The following NAALADL2 variants were observed in gnomAD, a reference collection of about 807,000 sequenced individuals.
NAALADL2 encodes the protein inactive N-acetylated-alpha-linked acidic dipeptidase-like protein 2.
A neutral mutation model predicts 87.2 loss-of-function variants in NAALADL2; 76 were observed. That is an observed-to-expected ratio of 0.87 (90% CI 0.72 to 1.05). The LOEUF (loss-of-function observed/expected upper bound fraction) is 1.05, where lower values mean the gene tolerates loss of function less well. NAALADL2 is among the 50% of genes least tolerant of loss of function. NAALADL2 has a pLI of 0.00. For missense variants in NAALADL2, 1,089 were observed against 945.8 expected (o/e 1.15, Z -1.99); for synonymous variants, 354 against 331.0 (o/e 1.07, Z -0.75).
At chr3:175,475,989 C>T (rs1446995243) in intron 9 of NAALADL2, among the ~76,000 whole-genome samples, 1 of 152,156 alleles carries the variant, frequency 6.6e-6, no homozygotes, top group Non-Finnish European at 1.5e-5. Context: ...TCTCAAAGCG[C>T]TGGGATTACG....
At chr3:175,139,919 T>G (rs540647723) in intron 2 of NAALADL2, among the ~76,000 whole-genome samples, 16 of 152,246 alleles carry the variant, frequency 1.1e-4, no homozygotes, top group African/African-American at 3.9e-4. Context: ...AATATTTATA[T>G]AGCGCTAATT....
At chr3:175,756,261 A>G (rs1410554015) in intron 13 of NAALADL2, among the ~76,000 whole-genome samples, 1 of 152,172 alleles carries the variant, frequency 6.6e-6, no homozygotes, top group Non-Finnish European at 1.5e-5. Flanking sequence ...GGAAAACAGT[A>G]TGAGATTCCT....
Position 175,485,668 on chromosome 3 carries a change from A to G in NAALADL2, c.1653+13910A>G, listed in dbSNP as rs116999078. On this transcript the variant is annotated intron_variant, in intron 9 of 13. Coordinates refer to ENST00000454872, the MANE Select transcript of NAALADL2 (RefSeq NM_207015.3). ...GAAGACTCAGCAAGTTAGCTTTTCCACCTTCATCTTCCTGCTTTTTCTAGC... is the reference window on the plus strand; with the variant it reads ...GAAGACTCAGCAAGTTAGCTTTTCCGCCTTCATCTTCCTGCTTTTTCTAGC... Among the ~76,000 whole-genome samples the G allele has an allele frequency of 8.5e-5, 13 of 152,206 alleles. No homozygotes were observed. The East Asian group carries it at 2.5e-3, about 29-fold the overall frequency.
chr3:175,081,372 G>A (rs554387923), intron 1 of NAALADL2, among the ~76,000 whole-genome samples: 103 of 152,214 alleles, frequency 6.8e-4, no homozygotes, highest in African/African-American at 2.4e-3. Flanking sequence ...ATGTTCACTG[G>A]TATCTATCTG....
rs1237849738 is a variant in NAALADL2, at chr3:175,784,839, T to G, written c.2190-18166T>G. Among the ~76,000 whole-genome samples, 9 of 74,158 alleles carry G rather than the reference T, an allele frequency of 1.2e-4. No individual in the cohort carries two copies. In the South Asian group the frequency reaches 4.8e-3, roughly 39 times the overall value. 48.7% of individuals were successfully genotyped at this position (74,158 alleles called of 152,430 possible). On this transcript the variant is annotated intron_variant, in intron 13 of 13. Transcript: ENST00000454872. ...CTTTCCTGCTTTCTCTTGTGGGCAT[T>G]TAGTGCTATAAATTTCCCTCTACAC...
chr3:175,011,819 A>G (rs977045081), intron 1 of NAALADL2, among the ~76,000 whole-genome samples: 1 of 152,158 alleles, frequency 6.6e-6, no homozygotes, highest in African/African-American at 2.4e-5. Flanking sequence ...CCAGCAGACT[A>G]TCTTGATATC....
chr3:175,495,850 TA>T (rs766981167), intron 9 of NAALADL2, among the ~76,000 whole-genome samples: 36 of 152,244 alleles, frequency 2.4e-4, no homozygotes, highest in Middle Eastern at 3.4e-3. Flanking sequence ...CATTTTTTTT[TA>T]GAAAACGGTT....
At chr3:175,278,881 G>C (rs1427562902) in intron 4 of NAALADL2, among the ~76,000 whole-genome samples, 1 of 152,102 alleles carries the variant, frequency 6.6e-6, no homozygotes, top group Non-Finnish European at 1.5e-5. Flanking sequence ...TATGTATCCA[G>C]GGAAACTTAT....
chr3:174,932,921 C>T (rs1737138323), intron 1 of NAALADL2, among the ~76,000 whole-genome samples: 1 of 152,038 alleles, frequency 6.6e-6, no homozygotes, highest in Middle Eastern at 3.2e-3. Flanking sequence ...AGTTGGAGAC[C>T]AGCCTGACCA....
chr3:175,255,325 T>G (rs1749748298), intron 3 of NAALADL2, among the ~76,000 whole-genome samples: 2 of 152,240 alleles, frequency 1.3e-5, no homozygotes, highest in Admixed American at 1.3e-4. Context: ...GAAACAATGC[T>G]CTTTCTTCAG....
chr3:174,763,493 A>G (rs745773367), intron 3 of NAALADL2, among the ~76,000 whole-genome samples: 13 of 148,952 alleles, frequency 8.7e-5, no homozygotes, highest in Non-Finnish European at 1.9e-4. Context: ...AGGCTGAGGC[A>G]GGAGAATCGC....
At chr3:175,109,429 C>T (rs1580494898) in intron 2 of NAALADL2, among the ~76,000 whole-genome samples, 2 of 151,724 alleles carry the variant, frequency 1.3e-5, no homozygotes, top group East Asian at 3.9e-4. Flanking sequence ...ATGCAAGATA[C>T]CTGCATTTAT....
chr3:175,739,350 A>C (rs1287918375), intron 12 of NAALADL2, among the ~76,000 whole-genome samples: 1 of 152,212 alleles, frequency 6.6e-6, no homozygotes, highest in East Asian at 1.9e-4. Flanking sequence ...CCTTGTTAGC[A>C]CATTGGCACA....
At chr3:175,175,372 C>T (rs1237421862) in intron 2 of NAALADL2, among the ~76,000 whole-genome samples, 1 of 152,004 alleles carries the variant, frequency 6.6e-6, no homozygotes, top group African/African-American at 2.4e-5. Context: ...CAGTATTAAA[C>T]AACTTTTTTG....
intron 1 of NAALADL2, among the ~76,000 whole-genome samples, chr3:174,928,175 A>G (rs906176019): frequency 5.3e-5 from 8 of 152,324 alleles, no homozygotes; most frequent in Admixed American, 6.5e-5. Flanking sequence ...ACATTTAACA[A>G]TGTGAAAACT....
chr3:175,298,582 A>G (rs146298270), intron 4 of NAALADL2, among the ~76,000 whole-genome samples: 1 of 152,230 alleles, frequency 6.6e-6, no homozygotes, highest in East Asian at 1.9e-4. Context: ...AAATTTTCAA[A>G]TCTCTCTGCT....
intron 13 of NAALADL2, among the ~76,000 whole-genome samples, chr3:175,786,629 T>C (rs1026691198): frequency 1.3e-5 from 2 of 152,212 alleles, no homozygotes; most frequent in African/African-American, 4.8e-5. Context: ...TTGCCACTTC[T>C]TTGCCTTTGG....
chr3:175,157,588 A>G (rs995720782), intron 2 of NAALADL2, among the ~76,000 whole-genome samples: 3 of 152,108 alleles, frequency 2.0e-5, no homozygotes, highest in East Asian at 1.9e-4. Flanking sequence ...TGATCTGGAC[A>G]TCTATTCTTC....
chr3:174,804,551 C>A (rs913019841), intron 3 of NAALADL2, among the ~76,000 whole-genome samples: 1 of 152,108 alleles, frequency 6.6e-6, no homozygotes, highest in Admixed American at 6.6e-5. Context: ...TGCCAGTTTT[C>A]AAAGGGAATG....
Sources: allele counts gnomAD v4.1 joint callset (sites outside exome capture counted in the v4.1 genomes callset), GRCh38; gene constraint gnomAD v4.1.1; transcripts MANE v1.5; gene names NCBI Gene and HGNC (gene_info 2026-07-23, HGNC 2026-07-21).